Variants in OR14I1 observed in about 807,000 individuals in gnomAD.
The protein encoded by OR14I1 is olfactory receptor 14I1.
For synonymous variants in OR14I1, 118 were observed against 71.1 expected, an observed-to-expected ratio of 1.66 and a Z score of -3.32; for missense variants, 279 against 181.8, an observed-to-expected ratio of 1.53 and a Z score of -3.07.
chr1:248,698,396 A>C, the OR14I1 span, among the ~76,000 whole-genome samples: 5 of 152,186 alleles, frequency 3.3e-5, no homozygotes, highest in African/African-American at 9.7e-5. Context: ...CTAGTTCTTA[A>C]ATGATAACTC....
the OR14I1 span, among the ~76,000 whole-genome samples, chr1:248,696,152 G>C: frequency 1.3e-5 from 2 of 152,208 alleles, no homozygotes; most frequent in Non-Finnish European, 2.9e-5. Context: ...GGGCATACAG[G>C]ATCTGGGTGG....
chr1:248,700,052 G>A, the OR14I1 span, among the ~76,000 whole-genome samples: 19,354 of 152,140 alleles, frequency 0.13, 1,275 homozygotes, highest in East Asian at 0.17. Flanking sequence ...GAGCCACCGC[G>A]TCCGGCCCAC....
At chr1:248,696,354 A>T in the OR14I1 span, among the ~76,000 whole-genome samples, 1 of 152,014 alleles carries the variant, frequency 6.6e-6, no homozygotes, top group African/African-American at 2.4e-5. Context: ...CCACCTCTTT[A>T]TTCATAGTCC....
At chr1:248,683,733 T>A (rs533252782), upstream of OR14I1, among the ~76,000 whole-genome samples, 1 of 152,340 alleles carries the variant, frequency 6.6e-6, no homozygotes, top group African/African-American at 2.4e-5. Context: ...AACAAGTAAT[T>A]GAAAAGAATT....
chr1:248,694,904 G>C, the OR14I1 span, among the ~76,000 whole-genome samples: 1 of 152,198 alleles, frequency 6.6e-6, no homozygotes, highest in East Asian at 1.9e-4. Context: ...GTCTATGCCT[G>C]TGCTGTCCAG....
chr1:248,700,722 TCAAA>T, the OR14I1 span, among the ~76,000 whole-genome samples: 2 of 152,374 alleles, frequency 1.3e-5, no homozygotes, highest in South Asian at 2.1e-4. Context: ...CTCAGTTTTC[TCAAA>T]CACTCTATGA....
At chr1:248,694,187 T>C in the OR14I1 span, among the ~76,000 whole-genome samples, 3 of 152,340 alleles carry the variant, frequency 2.0e-5, no homozygotes, top group South Asian at 6.2e-4. Flanking sequence ...GCTCTGCTGA[T>C]CAGAGATTGC....
upstream of OR14I1, among the ~76,000 whole-genome samples, chr1:248,683,161 A>G (rs970496104): frequency 6.6e-6 from 1 of 152,254 alleles, no homozygotes; most frequent in Admixed American, 6.5e-5. Context: ...CCAGCATTTA[A>G]ATCAAGGCAG....
At chr1:248,695,515 G>A in the OR14I1 span, among the ~76,000 whole-genome samples, 1 of 152,152 alleles carries the variant, frequency 6.6e-6, no homozygotes, top group African/African-American at 2.4e-5. Flanking sequence ...TTACAGGTGT[G>A]AGCCACTGCG....
upstream of OR14I1, chr1:248,682,399 C>T (rs2103133105): frequency 1.6e-6 from 1 of 609,022 alleles, no homozygotes; most frequent in Non-Finnish European, 2.9e-6. Flanking sequence ...GAGTAATATC[C>T]TCCTAAATTA....
At chr1:248,687,827 A>T in the OR14I1 span, among the ~76,000 whole-genome samples, 1,216 of 152,376 alleles carry the variant, frequency 8.0e-3, 19 homozygotes, top group African/African-American at 0.027. Context: ...ACTATAAGGC[A>T]GTAGAAAAAT....
chr1:248,695,219 G>A, the OR14I1 span, among the ~76,000 whole-genome samples: 1 of 143,284 alleles, frequency 7.0e-6, no homozygotes, highest in Non-Finnish European at 1.5e-5. Context: ...AATTACTTTT[G>A]AATGTATGCT....
chr1:248,702,620 C>A, the OR14I1 span, among the ~76,000 whole-genome samples: 12,181 of 152,072 alleles, frequency 0.08, 1,616 homozygotes, highest in African/African-American at 0.27. Context: ...GCCTTAGTCC[C>A]CTAGAGCCTA....
upstream of OR14I1, among the ~76,000 whole-genome samples, chr1:248,683,293 A>T (rs1661593994): frequency 6.6e-6 from 1 of 152,126 alleles, no homozygotes; most frequent in Non-Finnish European, 1.5e-5. Context: ...TATTTTGTTT[A>T]TTTTCACTGG....
At chr1:248,682,542 T>C (rs968668311), upstream of OR14I1, among the ~76,000 whole-genome samples, 7 of 152,194 alleles carry the variant, frequency 4.6e-5, no homozygotes, top group Non-Finnish European at 7.3e-5. Flanking sequence ...AGCTTTTGAT[T>C]AGTACTGTTT....
downstream of OR14I1, among the ~76,000 whole-genome samples, chr1:248,679,324 C>A (rs561265731): frequency 6.6e-6 from 1 of 151,844 alleles, no homozygotes; most frequent in African/African-American, 2.4e-5. Context: ...GGAGTGTGTG[C>A]TGATTGGGAG....
At chr1:248,684,529 T>C (rs1661611089), upstream of OR14I1, among the ~76,000 whole-genome samples, 1 of 152,174 alleles carries the variant, frequency 6.6e-6, no homozygotes, top group Non-Finnish European at 1.5e-5. Context: ...CTCCATGACG[T>C]TTAAACCCCT....
At chr1:248,680,462 T>A (rs1406799003), downstream of OR14I1, among the ~76,000 whole-genome samples, 1 of 152,176 alleles carries the variant, frequency 6.6e-6, no homozygotes, top group Non-Finnish European at 1.5e-5. Flanking sequence ...TTTCCACGAA[T>A]CCTCTTCCCA....
the OR14I1 span, among the ~76,000 whole-genome samples, chr1:248,702,545 A>C: frequency 6.6e-6 from 1 of 151,840 alleles, no homozygotes; most frequent in Non-Finnish European, 1.5e-5. Flanking sequence ...CACTGCCACC[A>C]CCTCGATCCA....
Sources: allele counts gnomAD v4.1 joint callset (sites outside exome capture counted in the v4.1 genomes callset), GRCh38; gene constraint gnomAD v4.1.1; transcripts MANE v1.5; gene names NCBI Gene and HGNC (gene_info 2026-07-23, HGNC 2026-07-21).